TBC1D19: variants seen among roughly 807,000 people sequenced by gnomAD.
TBC1D19 encodes the protein TBC1 domain family member 19.
In TBC1D19, 60 loss-of-function variants were observed where a neutral mutation model predicts 89.0. That is an observed-to-expected ratio of 0.67 (90% confidence interval 0.55 to 0.84). TBC1D19 has a LOEUF of 0.84. Ranked by LOEUF, TBC1D19 falls within the 40% of genes least tolerant of loss-of-function variation. The pLI is 0.00. For synonymous variants in TBC1D19, 189 were observed against 199.7 expected, an observed-to-expected ratio of 0.95 and a Z score of 0.45; for missense variants, 500 against 610.8, an observed-to-expected ratio of 0.82 and a Z score of 1.91.
chr4:26,692,167 A>G (rs190236553), intron 13 of TBC1D19, among the ~76,000 whole-genome samples: 106 of 152,198 alleles, frequency 7.0e-4, no homozygotes, highest in African/African-American at 2.5e-3. Context: ...ATGGGGCTCC[A>G]TTTCCCTCCA....
intron 13 of TBC1D19, among the ~76,000 whole-genome samples, chr4:26,707,035 A>ATCTAGTTGGTTTATCATGTAAATAC (rs1173937019): frequency 6.6e-6 from 1 of 151,882 alleles, no homozygotes; most frequent in Non-Finnish European, 1.5e-5. Flanking sequence ...ATATTGTTAG[A>ATCTAGTTGGTTTATCATGTAAATAC]TCTAGTTGGT....
intron 13 of TBC1D19, among the ~76,000 whole-genome samples, chr4:26,690,203 G>A (rs979675792): frequency 6.6e-6 from 1 of 152,156 alleles, no homozygotes; most frequent in Non-Finnish European, 1.5e-5. Context: ...GCTGAGAGAG[G>A]AGAGGAAGCT....
At chr4:26,596,040 T>C (rs1740186657) in intron 1 of TBC1D19, among the ~76,000 whole-genome samples, 1 of 152,126 alleles carries the variant, frequency 6.6e-6, no homozygotes, top group Non-Finnish European at 1.5e-5. Flanking sequence ...CTCTGCAACC[T>C]CTCTCTCCTG....
chr4:26,583,983 C>T (rs930854402), upstream of TBC1D19: 4 of 564,834 alleles, frequency 7.1e-6, no homozygotes, highest in East Asian at 9.1e-5. Flanking sequence ...CTTTTTCCGC[C>T]GGCGGAACGC....
At chr4:26,674,571 A>G (rs148968499) in intron 11 of TBC1D19, among the ~76,000 whole-genome samples, 77 of 152,204 alleles carry the variant, frequency 5.1e-4, no homozygotes, top group Middle Eastern at 3.4e-3. Flanking sequence ...GTTTAAAAAC[A>G]TGGGTTTTGG....
intron 18 of TBC1D19, among the ~76,000 whole-genome samples, chr4:26,744,540 A>G (rs1215187738): frequency 6.6e-6 from 1 of 151,650 alleles, no homozygotes; most frequent in African/African-American, 2.4e-5. Flanking sequence ...CAAATTACTT[A>G]TTTACCTCCA....
At chr4:26,666,179 A>G (rs999762182) in intron 8 of TBC1D19, among the ~76,000 whole-genome samples, 154 bp from the exon 9 acceptor site, 1 of 152,016 alleles carries the variant, frequency 6.6e-6, no homozygotes, top group African/African-American at 2.4e-5. Context: ...TTAGATGTTT[A>G]ATATGTCCTT....
intron 17 of TBC1D19, among the ~76,000 whole-genome samples, chr4:26,740,289 G>A (rs984572772): frequency 6.6e-6 from 1 of 151,988 alleles, no homozygotes; most frequent in African/African-American, 2.4e-5. Context: ...TCTTATCTAT[G>A]AAATGAAGTA....
chr4:26,646,932 A>G (rs1186995571), intron 7 of TBC1D19, among the ~76,000 whole-genome samples: 1 of 152,252 alleles, frequency 6.6e-6, no homozygotes, highest in Non-Finnish European at 1.5e-5. Flanking sequence ...TATAATTTAA[A>G]AAAAGTAAAA....
intron 1 of TBC1D19, among the ~76,000 whole-genome samples, chr4:26,590,994 T>G (rs1423728601): frequency 6.6e-6 from 1 of 151,704 alleles, no homozygotes; most frequent in African/African-American, 2.4e-5. Context: ...ATTTATGTAT[T>G]CACAATTCCA....
At chr4:26,803,790 A>C in the TBC1D19 span, among the ~76,000 whole-genome samples, 1 of 152,218 alleles carries the variant, frequency 6.6e-6, no homozygotes, top group Non-Finnish European at 1.5e-5. Flanking sequence ...CTGGCAGAAC[A>C]AGGAGGGGAG....
chr4:26,777,135 CTTTTT>C, the TBC1D19 span, among the ~76,000 whole-genome samples: 54 of 122,678 alleles, frequency 4.4e-4, no homozygotes, highest in African/African-American at 1.5e-3. Context: ...TCTCTCTCTT[CTTTTT>C]TTTTTTTTTT....
At chr4:26,671,351 A>G (rs1558722) in intron 9 of TBC1D19, among the ~76,000 whole-genome samples, 1 of 151,576 alleles carries the variant, frequency 6.6e-6, no homozygotes, top group Non-Finnish European at 1.5e-5. Context: ...AAGAGCCTCT[A>G]TTTAAGTCTT....
chr4:26,676,684 A>C lies in TBC1D19; in HGVS notation c.816+2796A>C, dbSNP rs927148788. Among the ~76,000 whole-genome samples the C allele has an allele frequency of 4.0e-5, 6 of 149,582 alleles. No homozygotes were observed. The East Asian group carries it at 7.8e-4, about 20-fold the overall frequency. ...CAGTGAGCAGAGATCGCGCCACTGCACTCCAGCCTGGGCAGCAGGGCAAGA... is the reference window on the plus strand; with the variant it reads ...CAGTGAGCAGAGATCGCGCCACTGCCCTCCAGCCTGGGCAGCAGGGCAAGA... On this transcript the variant is annotated intron_variant, in intron 11 of 20. Coordinates refer to ENST00000264866, the MANE Select transcript of TBC1D19 (RefSeq NM_018317.4).
At chr4:26,589,452 C>T (rs1162406959) in intron 1 of TBC1D19, among the ~76,000 whole-genome samples, 2 of 152,122 alleles carry the variant, frequency 1.3e-5, no homozygotes. Context: ...GTGCTCTTGT[C>T]CCCAGCAGAA....
chr4:26,765,240 C>T, the TBC1D19 span, among the ~76,000 whole-genome samples: 1 of 152,102 alleles, frequency 6.6e-6, no homozygotes, highest in African/African-American at 2.4e-5. Context: ...AGGAATAACA[C>T]TCTAAAATTG....
intron 7 of TBC1D19, among the ~76,000 whole-genome samples, chr4:26,656,987 T>TCTCCCTCTCCTTCTC (rs59399936): frequency 5.6e-5 from 1 of 17,786 alleles, no homozygotes; most frequent in African/African-American, 1.7e-4. Context: ...TTCTTCTTCT[T>TCTCCCTCTCCTTCTC]CTTCTCCTTC....
chr4:26,691,115 T>G (rs1001642248), intron 13 of TBC1D19, among the ~76,000 whole-genome samples: 2 of 152,200 alleles, frequency 1.3e-5, no homozygotes, highest in Non-Finnish European at 2.9e-5. Flanking sequence ...TAACGGTCAC[T>G]GTGGTGGGAA....
intron 8 of TBC1D19, among the ~76,000 whole-genome samples, chr4:26,662,405 G>A (rs1410335941): frequency 1.3e-5 from 2 of 152,014 alleles, no homozygotes; most frequent in East Asian, 1.9e-4. Context: ...AGAAGATGAA[G>A]CAAAAAGCCA....
Sources: gnomAD v4.1 joint callset for allele counts (sites outside exome capture counted in the v4.1 genomes callset) on GRCh38, gnomAD v4.1.1 for gene constraint, MANE v1.5 for transcripts, NCBI Gene and HGNC (gene_info 2026-07-23, HGNC 2026-07-21) for gene names.